PDE10A: variants seen among roughly 807,000 people sequenced by gnomAD.
PDE10A encodes the protein phosphodiesterase 10A, also known as cAMP and cAMP-inhibited cGMP 3',5'-cyclic phosphodiesterase 10A.
Under a neutral mutation model 97.7 loss-of-function variants are expected in PDE10A, and 39 were observed. The observed-to-expected ratio is 0.40, with a 90% CI of 0.31 to 0.52. The LOEUF is 0.52. Among genes scored for constraint, PDE10A ranks in the 20% least tolerant of loss-of-function variants. The pLI, the probability that PDE10A is intolerant of heterozygous loss-of-function variation, is 0.56. For synonymous variants in PDE10A, 371 were observed against 376.8 expected (o/e 0.98, Z 0.18); for missense variants, 731 against 1,047.8 (o/e 0.70, Z 4.17).
At chr6:165,721,558 G>T (rs913227995) in intron 1 of PDE10A, among the ~76,000 whole-genome samples, 1 of 152,120 alleles carries the variant, frequency 6.6e-6, no homozygotes, top group African/African-American at 2.4e-5. Context: ...TTCCATCAGT[G>T]GTCTATGATG....
chr6:165,492,398 TAAC>T (rs1332486719), intron 2 of PDE10A, among the ~76,000 whole-genome samples: 4 of 151,946 alleles, frequency 2.6e-5, no homozygotes, highest in Non-Finnish European at 5.9e-5. Flanking sequence ...GGAAAAAACA[TAAC>T]AACCAAAAAA....
intron 2 of PDE10A, among the ~76,000 whole-genome samples, chr6:165,497,728 G>A (rs769856082): frequency 2.6e-5 from 4 of 152,162 alleles, no homozygotes; most frequent in Admixed American, 1.3e-4. Context: ...AAGATTCACC[G>A]TCAGAAACCT....
At chr6:165,363,030 A>T (rs1783526847) in intron 18 of PDE10A, among the ~76,000 whole-genome samples, 1 of 152,220 alleles carries the variant, frequency 6.6e-6, no homozygotes, top group East Asian at 1.9e-4. Flanking sequence ...CAATAAAAAA[A>T]ATAAACACTC....
intron 1 of PDE10A, among the ~76,000 whole-genome samples, chr6:165,882,384 C>G (rs936826008): frequency 2.0e-5 from 3 of 152,178 alleles, no homozygotes; most frequent in African/African-American, 7.2e-5. Context: ...TGAATAAAAA[C>G]TGATCATTAA....
intron 1 of PDE10A, among the ~76,000 whole-genome samples, chr6:165,653,796 C>T (rs1231732838): frequency 1.3e-5 from 2 of 151,798 alleles, no homozygotes; most frequent in African/African-American, 2.4e-5. Context: ...CCTCTGGCAC[C>T]TCCCCACGCC....
chr6:165,504,799 T>C (rs1259323217), intron 2 of PDE10A, among the ~76,000 whole-genome samples: 1 of 152,226 alleles, frequency 6.6e-6, no homozygotes, highest in African/African-American at 2.4e-5. Flanking sequence ...TGGCTTAACA[T>C]AAATTCCAGC....
At chr6:165,368,372 T>C (rs772880735) in intron 18 of PDE10A, among the ~76,000 whole-genome samples, 2 of 152,200 alleles carry the variant, frequency 1.3e-5, no homozygotes, top group African/African-American at 2.4e-5. Flanking sequence ...GTGTATAACA[T>C]ATGCAGCAAT....
chr6:165,466,058 G>A (rs1778632411), intron 3 of PDE10A, among the ~76,000 whole-genome samples: 2 of 152,264 alleles, frequency 1.3e-5, no homozygotes, highest in South Asian at 4.1e-4. Flanking sequence ...GAAGTAGAAA[G>A]CACACAGGCA....
At chr6:165,769,223 G>A (rs952530328) in intron 1 of PDE10A, among the ~76,000 whole-genome samples, 8 of 152,268 alleles carry the variant, frequency 5.3e-5, no homozygotes, top group Non-Finnish European at 1.0e-4. Context: ...CTGCGTGGCT[G>A]GAACAGCTGA....
At chr6:165,818,880 A>G (rs59391056) in intron 1 of PDE10A, among the ~76,000 whole-genome samples, 24,237 of 152,218 alleles carry the variant, frequency 0.16, 1,999 homozygotes, top group South Asian at 0.21. Context: ...CAGCTGTAGT[A>G]TGTTTAGCAG....
chr6:165,414,244 CA>C (rs1206199265), intron 12 of PDE10A, among the ~76,000 whole-genome samples: 1 of 152,200 alleles, frequency 6.6e-6, no homozygotes, highest in Non-Finnish European at 1.5e-5. Context: ...CATCACCCCA[CA>C]AGGCTGAGCT....
At chr6:165,559,611 T>C (rs188214231) in intron 1 of PDE10A, among the ~76,000 whole-genome samples, 284 of 152,294 alleles carry the variant, frequency 1.9e-3, no homozygotes, top group African/African-American at 6.4e-3. Flanking sequence ...ACCAATATAG[T>C]ATCTTAGAGG....
chr6:165,971,987 A>C (rs1008365511), intron 1 of PDE10A, among the ~76,000 whole-genome samples: 1 of 152,132 alleles, frequency 6.6e-6, no homozygotes, highest in Non-Finnish European at 1.5e-5. Flanking sequence ...GATACCTGAC[A>C]CAGTAGCAAT....
intron 1 of PDE10A, among the ~76,000 whole-genome samples, chr6:165,549,471 C>A (rs1783903531): frequency 6.6e-6 from 1 of 152,052 alleles, no homozygotes; most frequent in Non-Finnish European, 1.5e-5. Context: ...ACTACAGGTA[C>A]CTGCCACCAC....
chr6:165,423,129 T>C (rs978446472), intron 10 of PDE10A, among the ~76,000 whole-genome samples: 9 of 152,132 alleles, frequency 5.9e-5, no homozygotes, highest in East Asian at 3.9e-4. Flanking sequence ...CAAAAGTAAG[T>C]TGAACTGAGA....
At chr6:165,456,941 C>T (rs138384240) in intron 3 of PDE10A, among the ~76,000 whole-genome samples, 51 of 152,260 alleles carry the variant, frequency 3.3e-4, no homozygotes, top group African/African-American at 1.1e-3. Flanking sequence ...CCATAATATA[C>T]TGTAAAATGT....
intron 2 of PDE10A, among the ~76,000 whole-genome samples, chr6:165,512,721 A>G (rs1009582541): frequency 2.0e-5 from 3 of 152,062 alleles, no homozygotes; most frequent in African/African-American, 7.2e-5. Context: ...AAAACTGATC[A>G]GTTGTATGTT....
At chr6:165,682,124 C>T (rs1177122481) in intron 1 of PDE10A, among the ~76,000 whole-genome samples, 9 of 152,102 alleles carry the variant, frequency 5.9e-5, no homozygotes, top group Non-Finnish European at 1.0e-4. Context: ...TTCCCCAACC[C>T]CAAATTTATA....
At chr6:165,686,572 G>A (rs1005956420) in intron 1 of PDE10A, among the ~76,000 whole-genome samples, 26 of 152,320 alleles carry the variant, frequency 1.7e-4, no homozygotes, top group African/African-American at 6.0e-4. Context: ...AAATCACACA[G>A]AAGAAAAGCA....
Sources: gnomAD v4.1 joint callset for allele counts (sites outside exome capture counted in the v4.1 genomes callset) on GRCh38, gnomAD v4.1.1 for gene constraint, MANE v1.5 for transcripts, NCBI Gene and HGNC (gene_info 2026-07-23, HGNC 2026-07-21) for gene names.